The following LRP1B variants were observed in gnomAD, a reference collection of about 807,000 sequenced individuals.
The protein encoded by LRP1B is LDL receptor related protein 1B.
In LRP1B, 217 loss-of-function variants were observed where a neutral mutation model predicts 556.6. The ratio of observed to expected loss-of-function variants is 0.39; its 90% CI spans 0.35 to 0.44. The LOEUF (loss-of-function observed/expected upper bound fraction) is 0.44. Among genes scored for constraint, LRP1B ranks in the 20% least tolerant of loss-of-function variants. LRP1B has a pLI of 1.00. For synonymous variants in LRP1B, 2,047 were observed against 1,865.8 expected (o/e 1.10, Z -2.50); for missense variants, 5,053 against 5,620.8 (o/e 0.90, Z 3.23).
intron 3 of LRP1B, among the ~76,000 whole-genome samples, chr2:141,393,601 C>A (rs1690134455): frequency 6.6e-6 from 1 of 152,008 alleles, no homozygotes; most frequent in African/African-American, 2.4e-5. Context: ...TTTAGCCATT[C>A]AATCAAAAAA....
intron 1 of LRP1B, among the ~76,000 whole-genome samples, chr2:141,996,842 C>A (rs960789992): frequency 1.3e-5 from 2 of 151,838 alleles, no homozygotes; most frequent in African/African-American, 4.8e-5. Context: ...AGTAAAATGT[C>A]AGAGAGAGAA....
chr2:140,836,890 A>C lies in LRP1B; in HGVS notation c.5209+3101T>G, dbSNP rs564216698. Among the ~76,000 whole-genome samples, 63 of 152,358 alleles carry C rather than the reference A, an allele frequency of 4.1e-4. 3 individuals are homozygous for C. The South Asian group carries it at 0.013, about 31-fold the overall frequency. On this transcript the variant is annotated intron_variant, in intron 31 of 90. Transcript: ENST00000389484. ...AAGTTACTGGAAGGTGCTTAACCTTAAACTTGTTTGCCCCTTAGCATGAGC... is the reference window on the plus strand; with the variant it reads ...AAGTTACTGGAAGGTGCTTAACCTTCAACTTGTTTGCCCCTTAGCATGAGC...
chr2:142,089,365 T>C, intron 1 of LRP1B, among the ~76,000 whole-genome samples: 1 of 152,156 alleles, frequency 6.6e-6, no homozygotes, highest in South Asian at 2.1e-4. Flanking sequence ...AAGAGTAAGG[T>C]GCATAGACCA....
intron 77 of LRP1B, among the ~76,000 whole-genome samples, chr2:140,348,410 C>A (rs1380187900): frequency 6.6e-6 from 1 of 152,016 alleles, no homozygotes; most frequent in Non-Finnish European, 1.5e-5. Context: ...TGCTAAAACT[C>A]ATGGCTCAGA....
intron 1 of LRP1B, among the ~76,000 whole-genome samples, chr2:142,025,667 A>T (rs1232533685): frequency 6.6e-6 from 1 of 152,128 alleles, no homozygotes; most frequent in Non-Finnish European, 1.5e-5. Flanking sequence ...CAGTTTGAGC[A>T]TACCTTTACA....
chr2:141,311,597 G>A (rs1686817750), intron 3 of LRP1B, among the ~76,000 whole-genome samples: 1 of 152,052 alleles, frequency 6.6e-6, no homozygotes, highest in South Asian at 2.1e-4. Context: ...GGTAATAGAG[G>A]TAGGTTGTCA....
At chr2:140,940,192 T>C (rs1380943735) in intron 20 of LRP1B, among the ~76,000 whole-genome samples, 2 of 152,072 alleles carry the variant, frequency 1.3e-5, no homozygotes, top group Admixed American at 6.6e-5. Flanking sequence ...GCCTATTTGG[T>C]GTAAATTGTT....
At chr2:141,187,444 C>G (rs1033132323) in intron 7 of LRP1B, among the ~76,000 whole-genome samples, 6 of 152,044 alleles carry the variant, frequency 3.9e-5, no homozygotes, top group Non-Finnish European at 7.4e-5. Context: ...TTCCATCAGA[C>G]ATTTCAGCCT....
At chr2:140,595,638 A>AT (rs1311011431) in intron 43 of LRP1B, among the ~76,000 whole-genome samples, 1 of 152,102 alleles carries the variant, frequency 6.6e-6, no homozygotes, top group African/African-American at 2.4e-5. Flanking sequence ...AATTATGTTG[A>AT]TTTTAGCTGT....
At chr2:141,544,414 T>C (rs62169786) in intron 2 of LRP1B, among the ~76,000 whole-genome samples, 36,153 of 89,400 alleles carry the variant, frequency 0.4, 8,449 homozygotes, top group Non-Finnish European at 0.51. Flanking sequence ...TCCTCCTCCT[T>C]CTCCTCCTTC....
rs13404083 is a variant in LRP1B at position 140,525,832 on chromosome 2, T to A, written c.8026+12A>T. Reference sequence around the variant, plus strand: ...AAGGCAAAGCCTGTGTTTTTCTAAATTCTAGTATTACCTGGGCACTTTAAT... The same window carrying A: ...AAGGCAAAGCCTGTGTTTTTCTAAAATCTAGTATTACCTGGGCACTTTAAT... On this transcript the variant is annotated intron_variant, in intron 49 of 90. Transcript: ENST00000389484. 9.6e-3 allele frequency: 15,496 copies of A among 1,608,236 alleles called. 1,342 individuals carry two copies. The African/African-American group carries it at 0.18, about 19-fold the overall frequency.
intron 31 of LRP1B, among the ~76,000 whole-genome samples, chr2:140,825,703 AT>A (rs368288114): frequency 0.01 from 1,522 of 150,996 alleles, 29 homozygotes; most frequent in African/African-American, 0.034. Flanking sequence ...CAATTGTGGA[AT>A]TTTTTTTTTC....
intron 7 of LRP1B, among the ~76,000 whole-genome samples, chr2:141,184,743 A>G (rs964364126): frequency 1.3e-5 from 2 of 151,474 alleles, no homozygotes; most frequent in African/African-American, 4.8e-5. Flanking sequence ...GCCAAAGTGC[A>G]GCGATGGGTA....
chr2:141,972,507 C>G (rs1411775375), intron 1 of LRP1B, among the ~76,000 whole-genome samples: 1 of 150,252 alleles, frequency 6.7e-6, no homozygotes, highest in Non-Finnish European at 1.5e-5. Flanking sequence ...GAGGAATTTC[C>G]AGGTGTTATT....
At chr2:142,016,656 C>T (rs945721909) in intron 1 of LRP1B, among the ~76,000 whole-genome samples, 2 of 150,396 alleles carry the variant, frequency 1.3e-5, no homozygotes, top group Non-Finnish European at 3.0e-5. Flanking sequence ...GGGAGGGGAA[C>T]ATCATACACT....
intron 35 of LRP1B, among the ~76,000 whole-genome samples, chr2:140,734,749 C>CAGATACTAACGG (rs58896750): frequency 0.16 from 24,088 of 151,948 alleles, 1,999 homozygotes; most frequent in South Asian, 0.19. Flanking sequence ...CTGTGTGAAG[C>CAGATACTAACGG]AGATACTAAC....
In LRP1B at chr2:141,059,941, T is replaced by A. The variant is rs1382297905; in HGVS notation, c.1237-887A>T. On this transcript the variant is annotated intron_variant, in intron 8 of 90. Coordinates refer to ENST00000389484, the MANE Select transcript of LRP1B (RefSeq NM_018557.3). ...AGGGTAAAGTGAAGTTGCCACTTGA[T>A]TTGCTGTAGAGATTTTGTTGAAAAA... Among the ~76,000 whole-genome samples, 4 of 151,950 alleles carry A rather than the reference T, an allele frequency of 2.6e-5. No homozygotes were observed. In the East Asian group the frequency reaches 7.8e-4, roughly 30 times the overall value.
At chr2:141,754,418 A>G (rs1694247428) in intron 2 of LRP1B, among the ~76,000 whole-genome samples, 1 of 152,184 alleles carries the variant, frequency 6.6e-6, no homozygotes, top group South Asian at 2.1e-4. Context: ...CAAGAAATCA[A>G]TATTTCAGGG....
chr2:140,605,866 G>A (rs1682849799), intron 41 of LRP1B, among the ~76,000 whole-genome samples: 1 of 151,934 alleles, frequency 6.6e-6, no homozygotes, highest in South Asian at 2.1e-4. Context: ...CTTGATAAAA[G>A]GAATACCAAA....
Sources: gnomAD v4.1 joint callset for allele counts (sites outside exome capture counted in the v4.1 genomes callset) on GRCh38, gnomAD v4.1.1 for gene constraint, MANE v1.5 for transcripts, NCBI Gene and HGNC (gene_info 2026-07-23, HGNC 2026-07-21) for gene names.